The following AIG1 variants were observed in gnomAD, a reference collection of about 807,000 sequenced individuals.
AIG1 encodes androgen induced 1.
In AIG1, 23 loss-of-function variants were observed where a neutral mutation model predicts 31.4. The ratio of observed to expected loss-of-function variants is 0.73; its 90% confidence interval spans 0.53 to 1.04. AIG1 has a LOEUF of 1.04. AIG1 is among the 50% of genes least tolerant of loss of function. AIG1 has a pLI of 0.00. For missense variants in AIG1, 274 were observed against 295.0 expected, an observed-to-expected ratio of 0.93 and a Z score of 0.52; for synonymous variants, 100 against 110.5, an observed-to-expected ratio of 0.90 and a Z score of 0.60.
At chr6:143,114,136 A>G (rs1781544324) in intron 1 of AIG1, among the ~76,000 whole-genome samples, 1 of 152,210 alleles carries the variant, frequency 6.6e-6, no homozygotes, top group African/African-American at 2.4e-5. Flanking sequence ...ACCCAAATAC[A>G]TAGGTAACTG....
intron 4 of AIG1, among the ~76,000 whole-genome samples, chr6:143,313,225 T>C (rs1454913167): frequency 7.9e-5 from 12 of 151,876 alleles, no homozygotes; most frequent in Admixed American, 6.6e-4. Context: ...GAAAGGAAAT[T>C]AGTATATTGA....
chr6:143,298,183 T>C lies in AIG1; in HGVS notation c.515+13958T>C, dbSNP rs1798574317. 6.6e-6 allele frequency among the ~76,000 whole-genome samples: 1 copy of C among 152,222 alleles called. No individual in the cohort carries two copies. Among genetic ancestry groups the C allele is most frequent in the African/African-American group, 2.4e-5 (1 of 41,454 alleles). ...AAGTGACAATTCATTCATAAATTCTTGCCAGCCTCTGGAGAAATCCAGGAA... is the reference window on the plus strand; with the variant it reads ...AAGTGACAATTCATTCATAAATTCTCGCCAGCCTCTGGAGAAATCCAGGAA... On this transcript the variant is annotated intron_variant, in intron 4 of 5. Transcript: ENST00000357847. This position sits in a 1 kb window ranked among gnomAD's most constrained non-coding sequence, Gnocchi z 5.1.
In AIG1 at chr6:143,291,347, G is replaced by A. The variant is rs1019035934; in HGVS notation, c.515+7122G>A. On this transcript the variant is annotated intron_variant, in intron 4 of 5. Transcript: ENST00000357847. This position sits in a 1 kb window ranked among gnomAD's most constrained non-coding sequence, Gnocchi z 4.2. ...TTTTCCAGCAGCAGGAAACCATGGG[G>A]TGTGCTGCCCTGGACAGGAGCCAGG... 1.3e-5 allele frequency among the ~76,000 whole-genome samples: 2 copies of A among 152,156 alleles called. No homozygotes were observed. Among genetic ancestry groups the A allele is most frequent in the Non-Finnish European group, 2.9e-5 (2 of 68,036 alleles).
intron 2 of AIG1, among the ~76,000 whole-genome samples, chr6:143,163,002 T>C (rs1323876974): frequency 6.6e-6 from 1 of 152,140 alleles, no homozygotes; most frequent in African/African-American, 2.4e-5. Flanking sequence ...AAGCAGAACA[T>C]CTCAAACTTA....
chr6:143,174,293 C>T (rs1358415209), intron 3 of AIG1, among the ~76,000 whole-genome samples: 2 of 151,916 alleles, frequency 1.3e-5, no homozygotes, highest in Admixed American at 1.3e-4. Flanking sequence ...TTGAGACCAG[C>T]CTGGCCAAGA....
intron 3 of AIG1, among the ~76,000 whole-genome samples, chr6:143,172,802 A>G (rs1045434950): frequency 2.0e-5 from 3 of 152,022 alleles, no homozygotes; most frequent in African/African-American, 7.2e-5. Context: ...GGGAGGTTGT[A>G]TATTTCCAGG....
intron 3 of AIG1, among the ~76,000 whole-genome samples, chr6:143,273,485 C>G (rs1796686084): frequency 6.6e-6 from 1 of 152,056 alleles, no homozygotes; most frequent in African/African-American, 2.4e-5. Flanking sequence ...GCTGTGTCCC[C>G]CATTGCTCTC....
downstream of AIG1, chr6:143,343,091 T>G: frequency 3.9e-6 from 3 of 775,510 alleles, no homozygotes; most frequent in Admixed American, 3.4e-5. Context: ...ATCATGATGA[T>G]CCTCGCAGCT....
chr6:143,189,300 C>T (rs961620513), intron 3 of AIG1: 11 of 664,360 alleles, frequency 1.7e-5, no homozygotes, highest in Non-Finnish European at 1.9e-5. Context: ...AGGCTGGTCT[C>T]GAACTCCTGG....
chr6:143,101,809 A>G (rs1022958349), intron 1 of AIG1, among the ~76,000 whole-genome samples: 1 of 152,218 alleles, frequency 6.6e-6, no homozygotes, highest in Non-Finnish European at 1.5e-5. Context: ...CAATGGAAAT[A>G]AGAAATTAAT....
rs188918881 is a variant in AIG1 at position 143,241,439 on chromosome 6, G to A, written c.400-42671G>A. On this transcript the variant is annotated intron_variant, in intron 3 of 5. Transcript: ENST00000357847. Reference sequence around the variant, plus strand: ...ACTCAGACTTGGCTGTCATCATCTTGCCACTTCTGGGATGAAGCATTAAGA... The same window carrying A: ...ACTCAGACTTGGCTGTCATCATCTTACCACTTCTGGGATGAAGCATTAAGA... 4.6e-5 allele frequency among the ~76,000 whole-genome samples: 7 copies of A among 152,312 alleles called. No individual in the cohort carries two copies. The East Asian group carries it at 1.3e-3, about 29-fold the overall frequency.
intron 4 of AIG1, among the ~76,000 whole-genome samples, chr6:143,287,175 C>T (rs1797739092): frequency 6.6e-6 from 1 of 152,018 alleles, no homozygotes; most frequent in South Asian, 2.1e-4. Flanking sequence ...GAGATTTTCC[C>T]TAATCAATGA....
chr6:143,073,935 A>G (rs1458245811), intron 1 of AIG1, among the ~76,000 whole-genome samples: 2 of 152,168 alleles, frequency 1.3e-5, no homozygotes, highest in South Asian at 2.1e-4. Flanking sequence ...CACCTCCAAC[A>G]TTGGGGATTA....
At chr6:143,189,714 T>G in intron 3 of AIG1, 1 of 985,422 alleles carries the variant, frequency 1.0e-6, no homozygotes, top group Non-Finnish European at 1.2e-6. Flanking sequence ...AAGAACACAA[T>G]TTCCCTCAAA....
chr6:143,140,101 C>T (rs555560258), intron 2 of AIG1, among the ~76,000 whole-genome samples: 5 of 152,258 alleles, frequency 3.3e-5, no homozygotes, highest in Admixed American at 2.6e-4. Flanking sequence ...AGCAAAGTCA[C>T]GTCTTACATG....
chr6:143,187,673 A>G, intron 3 of AIG1: 9 of 1,536,098 alleles, frequency 5.9e-6, no homozygotes, highest in Non-Finnish European at 7.0e-6. Flanking sequence ...TCAAACGCCC[A>G]TCTGACTTTG....
Position 143,328,778 on chromosome 6 carries a change from T to C in AIG1, c.516-4504T>C, listed in dbSNP as rs1313248786. 6.6e-6 allele frequency among the ~76,000 whole-genome samples: 1 copy of C among 152,178 alleles called. No individual in the cohort carries two copies. The highest frequency in any genetic ancestry group is 2.4e-5 in the African/African-American group (1 of 41,458). ...AAACGTGAATGCAAACGGAGGTACA[T>C]TTAATAAAATAGACCATCCAAAAAT... is the stretch of plus-strand genomic sequence containing the variant. On this transcript the variant is annotated intron_variant, in intron 4 of 5. Coordinates refer to ENST00000357847, the MANE Select transcript of AIG1 (RefSeq NM_016108.4). The surrounding 1 kb of genome is among the most constrained non-coding windows in gnomAD (Gnocchi z 4.0).
chr6:143,079,365 TCAG>T (rs1247711773), intron 1 of AIG1, among the ~76,000 whole-genome samples: 1 of 152,154 alleles, frequency 6.6e-6, no homozygotes, highest in African/African-American at 2.4e-5. Context: ...CAGTCTGCAC[TCAG>T]GTCAAATAAG....
intron 1 of AIG1, among the ~76,000 whole-genome samples, chr6:143,100,437 A>G (rs921818932): frequency 6.6e-6 from 1 of 152,214 alleles, no homozygotes; most frequent in Non-Finnish European, 1.5e-5. Flanking sequence ...AAGAAAGCAG[A>G]AAAAAAGAAG....
Sources: allele counts gnomAD v4.1 joint callset (sites outside exome capture counted in the v4.1 genomes callset), GRCh38; gene constraint gnomAD v4.1.1; non-coding constraint Gnocchi (gnomAD v3.1); transcripts MANE v1.5; gene names NCBI Gene and HGNC (gene_info 2026-07-23, HGNC 2026-07-21).